The following ASAP1 variants were observed in gnomAD, a reference collection of about 807,000 sequenced individuals.
The protein encoded by ASAP1 is arf-GAP with SH3 domain, ANK repeat and PH domain-containing protein 1.
ASAP1 carries 43 observed loss-of-function variants against 145.2 expected under a neutral mutation model. That is an observed-to-expected ratio of 0.30 (90% CI 0.23 to 0.38). The LOEUF (loss-of-function observed/expected upper bound fraction) is 0.38. Ranked by LOEUF, ASAP1 falls within the 10% of genes least tolerant of loss-of-function variation. ASAP1 has a pLI of 1.00. For missense variants in ASAP1, 1,018 were observed against 1,355.3 expected, an observed-to-expected ratio of 0.75 and a Z score of 3.91; for synonymous variants, 546 against 515.5, an observed-to-expected ratio of 1.06 and a Z score of -0.80.
intron 3 of ASAP1, among the ~76,000 whole-genome samples, chr8:130,319,996 A>G (rs755810042): frequency 3.9e-5 from 6 of 152,242 alleles, no homozygotes; most frequent in Non-Finnish European, 7.3e-5. Flanking sequence ...ACATTTTAAC[A>G]TATTCCTGTC....
intron 5 of ASAP1, among the ~76,000 whole-genome samples, chr8:130,208,466 A>C (rs2136374701): frequency 6.6e-6 from 1 of 152,326 alleles, no homozygotes; most frequent in East Asian, 1.9e-4. Context: ...CCATCTTTGT[A>C]ATTTTGGATG....
At chr8:130,289,666 A>G (rs917416378) in intron 3 of ASAP1, among the ~76,000 whole-genome samples, 1 of 152,210 alleles carries the variant, frequency 6.6e-6, no homozygotes, top group African/African-American at 2.4e-5. Flanking sequence ...GAGTGGTTAT[A>G]TTCCCAGGGT....
chr8:130,196,693 G>GTT (rs754623295), intron 5 of ASAP1, among the ~76,000 whole-genome samples: 2 of 152,170 alleles, frequency 1.3e-5, no homozygotes, highest in Non-Finnish European at 2.9e-5. Flanking sequence ...CTGCCCATTG[G>GTT]TTCTCTCTCT....
At chr8:130,064,150 G>T (rs115442121) in intron 27 of ASAP1, among the ~76,000 whole-genome samples, 1 of 152,152 alleles carries the variant, frequency 6.6e-6, no homozygotes, top group African/African-American at 2.4e-5. Flanking sequence ...AATGTGGAAG[G>T]CTCCAGTGTT....
intron 25 of ASAP1, among the ~76,000 whole-genome samples, chr8:130,089,735 A>G (rs1474600803): frequency 1.3e-5 from 2 of 152,208 alleles, no homozygotes; most frequent in South Asian, 4.1e-4. Flanking sequence ...GCCGTGTATG[A>G]ATGCACCCAC....
At chr8:130,409,414 C>A (rs1829172342) in intron 1 of ASAP1, among the ~76,000 whole-genome samples, 1 of 152,160 alleles carries the variant, frequency 6.6e-6, no homozygotes, top group Non-Finnish European at 1.5e-5. Flanking sequence ...CCCTACCAAC[C>A]CTGATCAGCC....
chr8:130,360,919 T>C (rs1277539990), intron 2 of ASAP1: 1 of 152,316 alleles, frequency 6.6e-6, no homozygotes, highest in Non-Finnish European at 1.5e-5. Flanking sequence ...GAAAATTCTG[T>C]GACTTGGAAC....
At chr8:130,096,427 G>A (rs1284368089) in intron 24 of ASAP1, among the ~76,000 whole-genome samples, 1 of 152,222 alleles carries the variant, frequency 6.6e-6, no homozygotes, top group Non-Finnish European at 1.5e-5. Context: ...GAGATGCAGA[G>A]GTGACTAAGA....
At chr8:130,350,288 A>C (rs1429874343) in intron 3 of ASAP1, among the ~76,000 whole-genome samples, 5 of 152,176 alleles carry the variant, frequency 3.3e-5, no homozygotes, top group African/African-American at 1.2e-4. Context: ...AACCCTGTTA[A>C]ACAGCAGAGT....
chr8:130,274,998 C>T (rs1476604959), intron 3 of ASAP1, among the ~76,000 whole-genome samples: 2 of 152,232 alleles, frequency 1.3e-5, no homozygotes, highest in African/African-American at 2.4e-5. Flanking sequence ...ACTGTAGCTC[C>T]ATATTCAACT....
intron 4 of ASAP1, among the ~76,000 whole-genome samples, chr8:130,221,247 G>C (rs1194483417): frequency 1.3e-5 from 2 of 151,650 alleles, no homozygotes; most frequent in Admixed American, 1.3e-4. Flanking sequence ...AAAAGAGGAA[G>C]AAAGGAAAGA....
chr8:130,132,752 T>C (rs961159788), intron 15 of ASAP1, among the ~76,000 whole-genome samples: 1 of 152,232 alleles, frequency 6.6e-6, no homozygotes, highest in Non-Finnish European at 1.5e-5. Context: ...CTGGCATTCA[T>C]TAAATATTCA....
At chr8:130,219,754 G>A (rs1171413433) in intron 4 of ASAP1, among the ~76,000 whole-genome samples, 1 of 152,172 alleles carries the variant, frequency 6.6e-6, no homozygotes, top group African/African-American at 2.4e-5. Context: ...AGAAACTTCT[G>A]GCATCCACGA....
chr8:130,080,885 G>A (rs564884245), intron 25 of ASAP1, among the ~76,000 whole-genome samples: 12 of 152,172 alleles, frequency 7.9e-5, no homozygotes, highest in Non-Finnish European at 1.6e-4. Flanking sequence ...CACCTGCCTC[G>A]GCCTCCCAAA....
chr8:130,280,705 G>A (rs899020984), intron 3 of ASAP1, among the ~76,000 whole-genome samples: 8 of 152,204 alleles, frequency 5.3e-5, no homozygotes, highest in Non-Finnish European at 8.8e-5. Flanking sequence ...GAATTATCCA[G>A]TTACTTAAAA....
chr8:130,126,961 A>T (rs1206224682), intron 16 of ASAP1, among the ~76,000 whole-genome samples: 2 of 152,196 alleles, frequency 1.3e-5, no homozygotes, highest in African/African-American at 4.8e-5. Flanking sequence ...CCTCATCTGT[A>T]AAATGAGAAC....
chr8:130,194,586 G>A (rs2136271452), intron 5 of ASAP1, among the ~76,000 whole-genome samples: 1 of 152,316 alleles, frequency 6.6e-6, no homozygotes, highest in East Asian at 1.9e-4. Context: ...CCAGAGGCTG[G>A]TTTTGTGGAA....
intron 11 of ASAP1, among the ~76,000 whole-genome samples, chr8:130,161,285 G>A (rs2097668723): frequency 6.6e-6 from 1 of 152,082 alleles, no homozygotes; most frequent in Non-Finnish European, 1.5e-5. Flanking sequence ...GAGGTAAGCT[G>A]AACCAACCAC....
At chr8:130,253,046 A>T (rs1819299902) in intron 3 of ASAP1, among the ~76,000 whole-genome samples, 1 of 152,168 alleles carries the variant, frequency 6.6e-6, no homozygotes, top group Non-Finnish European at 1.5e-5. Context: ...TCTTGACCTA[A>T]ATGATTCAAA....
Sources: allele counts gnomAD v4.1 joint callset (sites outside exome capture counted in the v4.1 genomes callset), GRCh38; gene constraint gnomAD v4.1.1; transcripts MANE v1.5; gene names NCBI Gene and HGNC (gene_info 2026-07-23, HGNC 2026-07-21).